Variants in HECTD4 observed in about 807,000 individuals in gnomAD.
The protein encoded by HECTD4 is probable E3 ubiquitin-protein ligase HECTD4.
A neutral mutation model predicts 471.5 loss-of-function variants in HECTD4; 114 were observed. The observed-to-expected ratio is 0.24, with a 90% CI of 0.21 to 0.28. The LOEUF (loss-of-function observed/expected upper bound fraction) is 0.28, where lower values mean the gene tolerates loss of function less well. HECTD4 is among the 10% of genes least tolerant of loss of function. The pLI is 1.00. For missense variants in HECTD4, 3,866 were observed against 5,651.5 expected (o/e 0.68, Z 10.13); for synonymous variants, 2,012 against 2,256.0 (o/e 0.89, Z 3.07).
Position 112,183,109 on chromosome 12 carries a change from G to C in HECTD4, c.10937C>G (p.Thr3646Ser). ...VSVVNQSLFD[T>S]QGSPGLEDYF... ...ATCTTCTAACCCTGGGCTCCCTTGA[G>C]TATCAAAGAGACTCTGATTTACTAC... The change falls in exon 62 of 76, where the codon ACT (threonine) becomes AGT (serine). Residue 3646 changes from threonine (T) to serine (S), a missense_variant. Transcript: ENST00000682272. 1 of 1,613,480 alleles carries C rather than the reference G, an allele frequency of 6.2e-7. No individual in the cohort carries two copies. The highest frequency in any genetic ancestry group is 8.5e-7 in the Non-Finnish European group (1 of 1,179,490).
chr12:112,319,307 C>G lies in HECTD4; in HGVS notation c.613G>C (p.Glu205Gln). Residue 205 changes from glutamate to glutamine, a missense_variant, in exon 2 of 76, where the codon GAG becomes CAG. Physicochemically the swap from Glu to Gln is conservative, Grantham distance 29 (BLOSUM62 2). Transcript: ENST00000682272. This position sits in a 1 kb window ranked among gnomAD's most constrained non-coding sequence, Gnocchi z 5.3. ...IETLLCSWLE[E>Q]TSDTGRHIPH... ...ATGTGTCGGCCTGTGTCAGAAGTCTCCTCTAGCCAAGAGCACAGCAAAGTT... is the reference window on the plus strand; with the variant it reads ...ATGTGTCGGCCTGTGTCAGAAGTCTGCTCTAGCCAAGAGCACAGCAAAGTT... 3 of 1,536,170 alleles carry G rather than the reference C, an allele frequency of 2.0e-6. No homozygotes were observed. The highest frequency in any genetic ancestry group is 2.6e-6 in the Non-Finnish European group (3 of 1,146,914).
chr12:112,334,637 C>CAAAAAAAAAAAAAAAAAAA (rs869292531), intron 1 of HECTD4, among the ~76,000 whole-genome samples: 5 of 45,262 alleles, frequency 1.1e-4, no homozygotes, highest in Admixed American at 2.9e-4. Context: ...ACTAAAAATA[C>CAAAAAAAAAAAAAAAAAAA]AAAAAAAAAA....
Position 112,214,983 on chromosome 12 carries a change from G to A in HECTD4, c.7465+1309C>T, listed in dbSNP as rs140030083. Among the ~76,000 whole-genome samples, 79 of 152,070 alleles carry A rather than the reference G, an allele frequency of 5.2e-4. No individual in the cohort carries two copies. In the East Asian group the frequency reaches 0.013, roughly 25 times the overall value. On this transcript the variant is annotated intron_variant, in intron 48 of 75. Transcript: ENST00000682272. Reference sequence around the variant, plus strand: ...AGCCTGGCCAGCATGGTGAAACCCCGTCTCTACTAAAATACAAAAATTAGC... The same window carrying A: ...AGCCTGGCCAGCATGGTGAAACCCCATCTCTACTAAAATACAAAAATTAGC...
At chr12:112,264,042 C>G in intron 17 of HECTD4, 42 bp downstream of exon 17, 1 of 1,507,554 alleles carries the variant, frequency 6.6e-7, no homozygotes, top group Non-Finnish European at 8.9e-7. Context: ...CTGCTTTTCA[C>G]ACTGGGTAGA....
At chr12:112,208,078 C>T in intron 51 of HECTD4, 78 bp from the exon 52 acceptor site, 1 of 1,504,934 alleles carries the variant, frequency 6.6e-7, no homozygotes, top group African/African-American at 1.4e-5. Context: ...TTACAGCCCT[C>T]ACCCTGAGGT....
At chr12:112,200,933 G>T (rs2032410485) in intron 54 of HECTD4, 135 bp from the exon 55 acceptor site, 9 of 778,810 alleles carry the variant, frequency 1.2e-5, no homozygotes, top group Non-Finnish European at 1.8e-5. Flanking sequence ...CAGGCTTTTA[G>T]GTATTATAAT....
intron 1 of HECTD4, among the ~76,000 whole-genome samples, chr12:112,330,061 G>A (rs1428292235): frequency 1.3e-5 from 2 of 152,108 alleles, no homozygotes; most frequent in Non-Finnish European, 2.9e-5. Flanking sequence ...CAGATCACCT[G>A]AGGTCAGGAG....
intron 8 of HECTD4, among the ~76,000 whole-genome samples, chr12:112,282,712 T>C (rs1464588398): frequency 6.6e-6 from 1 of 152,226 alleles, no homozygotes; most frequent in Non-Finnish European, 1.5e-5. Context: ...AACTAAATGA[T>C]AAATTCTAAA....
intron 1 of HECTD4, among the ~76,000 whole-genome samples, chr12:112,378,120 C>T (rs2036817846): frequency 1.3e-5 from 2 of 152,122 alleles, no homozygotes; most frequent in South Asian, 4.1e-4. Context: ...AAGTCATAAC[C>T]TCATCTTCTG....
rs368516063 is a variant in HECTD4, at chr12:112,183,256, C to G, written c.10790G>C (p.Arg3597Pro). The change falls in exon 62 of 76, where the codon CGA becomes CCA. Residue 3597 changes from arginine to proline, a missense_variant. Arg to Pro is a moderately radical substitution (Grantham distance 103). Around this residue, in one of 16 missense-constraint regions of HECTD4, gnomAD observed 715 missense variants for 1,087.6 expected, o/e 0.66. Transcript: ENST00000682272. ...TGCTCGAATTTTCTCAATTTTGGCT[C>G]GGGATCTTATCTGTGTGAACAGAGA... ...KGFAVVEIRS[R>P]AKIEKIRASL... 3 of 1,613,246 alleles carry G rather than the reference C, an allele frequency of 1.9e-6. No individual in the cohort carries two copies. Among genetic ancestry groups the G allele is most frequent in the Non-Finnish European group, 2.5e-6 (3 of 1,179,752 alleles).
intron 8 of HECTD4, among the ~76,000 whole-genome samples, chr12:112,281,288 C>T (rs2034637134): frequency 6.6e-6 from 1 of 151,588 alleles, no homozygotes; most frequent in South Asian, 2.1e-4. Flanking sequence ...AAAAAAAGTA[C>T]AATGAGACCA....
At chr12:112,198,803 G>A (rs1258017146) in intron 55 of HECTD4, among the ~76,000 whole-genome samples, 1 of 152,196 alleles carries the variant, frequency 6.6e-6, no homozygotes. Context: ...TGGTTAAGGT[G>A]TTTTAAAGTC....
At chr12:112,353,675 A>G (rs149073452) in intron 1 of HECTD4, among the ~76,000 whole-genome samples, 440 of 152,260 alleles carry the variant, frequency 2.9e-3, no homozygotes, top group Admixed American at 5.3e-3. Flanking sequence ...TAAAAATACA[A>G]AATTAGCTGG....
intron 45 of HECTD4, among the ~76,000 whole-genome samples, 169 bp downstream of exon 45, chr12:112,219,217 C>T (rs998454504): frequency 5.9e-5 from 9 of 152,232 alleles, no homozygotes; most frequent in Non-Finnish European, 1.0e-4. Flanking sequence ...TTTGCTCTGA[C>T]ATTCAAAGAT....
chr12:112,201,408 T>C (rs1253550564), intron 54 of HECTD4: 1 of 156,974 alleles, frequency 6.4e-6, no homozygotes, highest in African/African-American at 2.4e-5. Context: ...CAGAGAGATT[T>C]TAAATGAATT....
intron 1 of HECTD4, among the ~76,000 whole-genome samples, chr12:112,367,991 T>C (rs553771316): frequency 1.3e-5 from 2 of 152,212 alleles, no homozygotes; most frequent in South Asian, 4.1e-4. Flanking sequence ...ATTGAAAAGA[T>C]CCATTACAAA....
Position 112,279,278 on chromosome 12 carries a change from G to C in HECTD4, c.1637C>G (p.Ser546Cys), listed in dbSNP as rs1376021236. Residue 546 changes from serine (S) to cysteine (C), a missense_variant, in exon 9 of 76, where the codon TCT (serine) becomes TGT (cysteine). Physicochemically the swap from Ser to Cys is moderately radical, Grantham distance 112. Coordinates refer to ENST00000682272, the MANE Select transcript of HECTD4 (RefSeq NM_001388303.1). ...LVPPPGGSGS[S>C]ATRSLFGGTS... ...TCCACCAAAAAGAGATCGGGTGGCA[G>C]AGCTGCCTGATCCCCCTGGAGGAGG... 1 of 1,612,800 alleles carries C rather than the reference G, an allele frequency of 6.2e-7. No individual in the cohort carries two copies. Among genetic ancestry groups the C allele is most frequent in the East Asian group, 2.2e-5 (1 of 44,784 alleles).
In HECTD4 at chr12:112,233,067, G is replaced by A. The variant is rs965675759; in HGVS notation, c.5934C>T (p.Pro1978=). ...QPLLSSSEGR[P]FRLGTGANME... is the part of the protein sequence containing the mutation. ...TGTTGGCGCCAGTACCAAGTCGGAA[G>A]GGCCGTCCTTCTGAACTACTGAAAA... Residue 1978 remains proline (P), a synonymous_variant, in exon 38 of 76, where the codon CCC becomes CCT. Transcript: ENST00000682272. 3.1e-6 allele frequency: 5 copies of A among 1,610,340 alleles called. No homozygotes were observed. Among genetic ancestry groups the A allele is most frequent in the Non-Finnish European group, 4.2e-6 (5 of 1,178,466 alleles).
intron 1 of HECTD4, among the ~76,000 whole-genome samples, chr12:112,339,066 T>A (rs891753185): frequency 6.6e-6 from 1 of 152,096 alleles, no homozygotes; most frequent in African/African-American, 2.4e-5. Context: ...CTACAATCCA[T>A]CAATCCACTC....
Sources: allele counts gnomAD v4.1 joint callset (sites outside exome capture counted in the v4.1 genomes callset), GRCh38; gene constraint gnomAD v4.1.1; regional missense constraint gnomAD v4.1.1; non-coding constraint Gnocchi (gnomAD v3.1); transcripts MANE v1.5; gene names NCBI Gene and HGNC (gene_info 2026-07-23, HGNC 2026-07-21).